Variants in IL1RAPL1 observed in about 807,000 individuals in gnomAD.
IL1RAPL1 encodes the protein interleukin-1 receptor accessory protein-like 1.
IL1RAPL1 carries 3 observed loss-of-function variants against 48.4 expected under a neutral mutation model. That is an observed-to-expected ratio of 0.06 (90% CI 0.03 to 0.16). The LOEUF is 0.16. Among genes scored for constraint, IL1RAPL1 ranks in the 10% least tolerant of loss-of-function variants. The probability of loss-of-function intolerance (pLI) is 1.00; values close to 1 mark genes in which losing one functional copy is unlikely to be tolerated. For missense variants in IL1RAPL1, 349 were observed against 530.6 expected (o/e 0.66, Z 3.36); for synonymous variants, 185 against 187.7 (o/e 0.99, Z 0.12).
intron 1 of IL1RAPL1, among the ~76,000 whole-genome samples, chrX:28,783,228 C>T (rs1936441204): frequency 1.8e-5 from 2 of 111,941 alleles, no homozygotes; most frequent in South Asian, 7.4e-4. Flanking sequence ...GTGAACTCCA[C>T]AGTGTTTAAT....
At chrX:29,404,978 A>C (rs1934037792) in intron 5 of IL1RAPL1, among the ~76,000 whole-genome samples, 1 of 111,081 alleles carries the variant, frequency 9.0e-6, no homozygotes, top group Non-Finnish European at 1.9e-5. Flanking sequence ...CAGTGGCATG[A>C]TCTCGGCTCA....
At chrX:28,952,486 A>G (rs1924496865) in intron 2 of IL1RAPL1, among the ~76,000 whole-genome samples, 1 of 111,904 alleles carries the variant, frequency 8.9e-6, no homozygotes, top group South Asian at 3.6e-4. Flanking sequence ...CATAAAGATC[A>G]GCCTTCTGCC....
chrX:28,990,841 C>A (rs1055473305), intron 2 of IL1RAPL1, among the ~76,000 whole-genome samples: 18 of 111,396 alleles, frequency 1.6e-4, no homozygotes, highest in Non-Finnish European at 3.4e-4. Flanking sequence ...TCTTCGGAGG[C>A]CTTTGAATAG....
intron 2 of IL1RAPL1, among the ~76,000 whole-genome samples, chrX:28,960,777 G>C (rs1029110227): frequency 3.6e-5 from 4 of 110,915 alleles, no homozygotes; most frequent in African/African-American, 1.3e-4. Flanking sequence ...GGGAGGCCAA[G>C]ATGGGCGGAT....
At chrX:29,789,372 C>A (rs992686861) in intron 6 of IL1RAPL1, among the ~76,000 whole-genome samples, 1 of 111,482 alleles carries the variant, frequency 9.0e-6, no homozygotes, top group Non-Finnish European at 1.9e-5. Flanking sequence ...GTGCAGTTGT[C>A]CCCTTAAGCT....
At chrX:29,435,751 T>C (rs1234652735) in intron 5 of IL1RAPL1, among the ~76,000 whole-genome samples, 1 of 111,173 alleles carries the variant, frequency 9.0e-6, no homozygotes, top group Non-Finnish European at 1.9e-5. Flanking sequence ...TCTGACTGTA[T>C]GTATTAAACT....
chrX:28,612,707 A>C (rs1461266491), intron 1 of IL1RAPL1, among the ~76,000 whole-genome samples: 1 of 112,405 alleles, frequency 8.9e-6, no homozygotes, highest in Non-Finnish European at 1.9e-5. Flanking sequence ...GAAGAGAGGT[A>C]TTCTAAGGAG....
At chrX:29,240,477 C>T (rs1019829720) in intron 2 of IL1RAPL1, among the ~76,000 whole-genome samples, 15 of 107,684 alleles carry the variant, frequency 1.4e-4, no homozygotes, top group Non-Finnish European at 2.1e-4. Context: ...TCAGGTGATC[C>T]GCCCTTCTCG....
intron 7 of IL1RAPL1, among the ~76,000 whole-genome samples, chrX:29,919,331 G>A (rs1436066780): frequency 8.9e-6 from 1 of 112,186 alleles, no homozygotes; most frequent in African/African-American, 3.2e-5. Flanking sequence ...TTCTAGAAAG[G>A]TAGTTTAATT....
At chrX:29,020,815 G>GT (rs756975502) in intron 2 of IL1RAPL1, among the ~76,000 whole-genome samples, 1 of 111,898 alleles carries the variant, frequency 8.9e-6, no homozygotes, top group South Asian at 3.7e-4. Flanking sequence ...CTAAATAAAA[G>GT]TTTCTATGAT....
chrX:28,973,633 A>G (rs1028269733), intron 2 of IL1RAPL1, among the ~76,000 whole-genome samples: 1 of 111,814 alleles, frequency 8.9e-6, no homozygotes. Flanking sequence ...CTTCTATTCT[A>G]CACTTATGAT....
chrX:29,883,623 C>T (rs72625544), intron 6 of IL1RAPL1, among the ~76,000 whole-genome samples: 1,145 of 111,948 alleles, frequency 0.01, 30 homozygotes, highest in East Asian at 0.075. Flanking sequence ...GGTGACTTTA[C>T]GACAAGTTCC....
At chrX:29,138,782 A>G (rs1929185608) in intron 2 of IL1RAPL1, among the ~76,000 whole-genome samples, 1 of 108,872 alleles carries the variant, frequency 9.2e-6, no homozygotes, top group African/African-American at 3.3e-5. Flanking sequence ...ATCTAAAAAA[A>G]AAAAAAAAAA....
intron 5 of IL1RAPL1, among the ~76,000 whole-genome samples, chrX:29,447,038 G>C (rs1934620237): frequency 9.0e-6 from 1 of 111,554 alleles, no homozygotes; most frequent in African/African-American, 3.2e-5. Context: ...GACTCTCAGT[G>C]TAAGTTCCTG....
chrX:29,856,879 T>C (rs1201846701), intron 6 of IL1RAPL1, among the ~76,000 whole-genome samples: 2 of 112,016 alleles, frequency 1.8e-5, no homozygotes, highest in Non-Finnish European at 3.8e-5. Flanking sequence ...TAATTCTTCT[T>C]TTAGCAGTAT....
At chrX:28,734,548 C>A (rs1436530036) in intron 1 of IL1RAPL1, among the ~76,000 whole-genome samples, 1 of 50,558 alleles carries the variant, frequency 2.0e-5, no homozygotes, top group Non-Finnish European at 3.1e-5. Context: ...ACCAAAGTGT[C>A]ATTTTTTTTT....
At chrX:29,335,091 C>G (rs1269353619) in intron 3 of IL1RAPL1, among the ~76,000 whole-genome samples, 3 of 110,904 alleles carry the variant, frequency 2.7e-5, no homozygotes, top group East Asian at 2.8e-4. Context: ...CCGGCCAACA[C>G]AGCAAAACCC....
rs188869472 is a variant in IL1RAPL1 at position 28,866,847 on chromosome X, A to G, written c.82+77422A>G. Among the ~76,000 whole-genome samples, 7 of 111,944 alleles carry G rather than the reference A, an allele frequency of 6.3e-5. No homozygotes were observed. The Admixed American group carries it at 6.7e-4, about 11-fold the overall frequency. On this transcript the variant is annotated intron_variant, in intron 2 of 10. Coordinates refer to ENST00000378993, the MANE Select transcript of IL1RAPL1 (RefSeq NM_014271.4). ...ATGTTATACAGTAGATGTACATATT[A>G]TAACTGGGAAAAAAGGCAGACTACA...
intron 1 of IL1RAPL1, among the ~76,000 whole-genome samples, chrX:28,615,289 C>T (rs1206266731): frequency 1.2e-4 from 11 of 90,568 alleles, no homozygotes; most frequent in African/African-American, 4.8e-4. Context: ...TAAGAGAGAT[C>T]ACATATGTAA....
Sources: gnomAD v4.1 joint callset for allele counts (sites outside exome capture counted in the v4.1 genomes callset) on GRCh38, gnomAD v4.1.1 for gene constraint, MANE v1.5 for transcripts, NCBI Gene and HGNC (gene_info 2026-07-23, HGNC 2026-07-21) for gene names.